The following SLC22A25 variants were observed in gnomAD, a reference collection of about 807,000 sequenced individuals.
The protein encoded by SLC22A25 is MGI:2442751, MGI:2385316, MGI:3042283, MGI:3645714, MGI:3605624, MGI:2442750.
SLC22A25 carries 44 observed loss-of-function variants against 45.9 expected under a neutral mutation model. The ratio of observed to expected loss-of-function variants is 0.96; its 90% CI spans 0.75 to 1.23. The LOEUF is 1.23. Among genes scored for constraint, SLC22A25 ranks in the 50% most tolerant of loss-of-function variants. SLC22A25 has a pLI of 0.00. For missense variants in SLC22A25, 800 were observed against 666.4 expected, an observed-to-expected ratio of 1.20 and a Z score of -2.21; for synonymous variants, 283 against 238.6, an observed-to-expected ratio of 1.19 and a Z score of -1.72.
At chr11:63,196,820 C>A (rs2089052095) in intron 7 of SLC22A25, among the ~76,000 whole-genome samples, 1 of 152,148 alleles carries the variant, frequency 6.6e-6, no homozygotes, top group Non-Finnish European at 1.5e-5. Flanking sequence ...CAAATTGTCC[C>A]TGTTTGCAGA....
chr11:63,236,802 C>T (rs970478666), intron 3 of SLC22A25, among the ~76,000 whole-genome samples: 6 of 152,130 alleles, frequency 3.9e-5, no homozygotes, highest in Non-Finnish European at 7.4e-5. Context: ...TTGGCTCCAC[C>T]CCCTTCTTCT....
intron 7 of SLC22A25, among the ~76,000 whole-genome samples, chr11:63,215,359 A>T (rs1016108342): frequency 6.6e-6 from 1 of 152,106 alleles, no homozygotes; most frequent in Non-Finnish European, 1.5e-5. Flanking sequence ...ACATATTCTC[A>T]CTCATAAGTG....
intron 7 of SLC22A25, among the ~76,000 whole-genome samples, chr11:63,202,045 G>A (rs376737548): frequency 1.3e-5 from 2 of 152,106 alleles, no homozygotes; most frequent in East Asian, 3.9e-4. Flanking sequence ...GCAAGGGGTT[G>A]GGTAACTCAC....
At chr11:63,183,558 T>G in intron 8 of SLC22A25, 136 bp downstream of exon 8, 12 of 1,108,116 alleles carry the variant, frequency 1.1e-5, no homozygotes, top group Non-Finnish European at 1.4e-5. Flanking sequence ...TGACACCCAT[T>G]GAGAATGATC....
Position 63,234,318 on chromosome 11 carries a change from C to T in SLC22A25, c.-445+3563G>A, listed in dbSNP as rs551276620. Among the ~76,000 whole-genome samples the T allele has an allele frequency of 1.7e-3, 264 of 152,288 alleles. 1 individual carries two copies. Among genetic ancestry groups the T allele is most frequent in the African/African-American group, 5.8e-3 (243 of 41,548 alleles). On this transcript the variant is annotated intron_variant, in intron 3 of 11. Transcript: ENST00000306494. ...AGGACTAGCTTTATGAATCTGGGTG[C>T]TCCTGTATTGGGCACATATATATTT... is the stretch of plus-strand genomic sequence containing the variant.
At chr11:63,169,877 CA>C (rs1565063199) in intron 9 of SLC22A25, among the ~76,000 whole-genome samples, 2 of 152,220 alleles carry the variant, frequency 1.3e-5, no homozygotes, top group Non-Finnish European at 2.9e-5. Flanking sequence ...CTCAGCACCA[CA>C]TCGCACTTAT....
intron 5 of SLC22A25, among the ~76,000 whole-genome samples, chr11:63,226,966 A>G (rs1341662443): frequency 6.6e-6 from 1 of 152,138 alleles, no homozygotes; most frequent in Non-Finnish European, 1.5e-5. Context: ...GTGATTATTA[A>G]CTTATGGTCC....
At chr11:63,176,239 T>A (rs1590793828) in intron 9 of SLC22A25, among the ~76,000 whole-genome samples, 1 of 152,086 alleles carries the variant, frequency 6.6e-6, no homozygotes, top group Admixed American at 6.6e-5. Context: ...AGGATTTTTT[T>A]CTATTTCTGT....
At chr11:63,170,634 A>G (rs984396567) in intron 9 of SLC22A25, among the ~76,000 whole-genome samples, 7 of 152,186 alleles carry the variant, frequency 4.6e-5, no homozygotes, top group Non-Finnish European at 8.8e-5. Flanking sequence ...GAATCCCTGA[A>G]TAGACCAATA....
chr11:63,177,835 ATG>A (rs796985320), intron 9 of SLC22A25, among the ~76,000 whole-genome samples: 1 of 61,134 alleles, frequency 1.6e-5, no homozygotes, highest in Non-Finnish European at 3.5e-5. Context: ...TATATATATA[ATG>A]TGTATATATA....
At position 63,195,487 on chromosome 11, in the gene SLC22A25, C is replaced by T. The variant is rs567482939; in HGVS notation, c.831-11670G>A. Among the ~76,000 whole-genome samples, 570 of 152,304 alleles carry T rather than the reference C, an allele frequency of 3.7e-3. 5 individuals are homozygous for T. The highest frequency in any genetic ancestry group is 0.013 in the African/African-American group (537 of 41,570). ...ACTCAACTACATGGAAACTGAACGA[C>T]CTGCTCCTGAATGACTACCGAGTAC... On this transcript the variant is annotated intron_variant, in intron 7 of 11. Coordinates refer to ENST00000306494, the MANE Select transcript of SLC22A25 (RefSeq NM_199352.6).
intron 9 of SLC22A25, among the ~76,000 whole-genome samples, chr11:63,170,895 C>T (rs1436170029): frequency 1.3e-5 from 2 of 152,140 alleles, no homozygotes; most frequent in South Asian, 2.1e-4. Context: ...CCCTGATGAA[C>T]ATCAATGCAA....
intron 7 of SLC22A25, among the ~76,000 whole-genome samples, chr11:63,209,274 G>A (rs1047141853): frequency 1.3e-5 from 2 of 152,036 alleles, no homozygotes; most frequent in Non-Finnish European, 2.9e-5. Flanking sequence ...TAGTGGCTCG[G>A]GCACCCAACC....
intron 7 of SLC22A25, among the ~76,000 whole-genome samples, chr11:63,201,817 A>AAC (rs1554977881): frequency 1.3e-5 from 2 of 152,038 alleles, no homozygotes; most frequent in African/African-American, 2.4e-5. Context: ...TTCAATAAAA[A>AAC]AACCCCATTA....
At chr11:63,242,950 C>T (rs1301156162) in intron 1 of SLC22A25, 1 of 154,692 alleles carries the variant, frequency 6.5e-6, no homozygotes, top group African/African-American at 2.4e-5. Flanking sequence ...CACCTCTCCT[C>T]TGAAAACCCC....
In SLC22A25 at chr11:63,228,580, AC is replaced by A; in HGVS notation, c.403-17del. ...CCAGATCCCACTGGAAGAAAAGGAA[AC>A]CCTCATATCAATGCTTATAGCCCCT... On this transcript the variant is annotated splice_polypyrimidine_tract_variant and intron_variant, in intron 4 of 11. Coordinates refer to ENST00000306494, the MANE Select transcript of SLC22A25 (RefSeq NM_199352.6). The A allele has an allele frequency of 6.3e-7, 1 of 1,586,818 alleles. No individual in the cohort carries two copies. Among genetic ancestry groups the A allele is most frequent in the Non-Finnish European group, 8.6e-7 (1 of 1,156,338 alleles).
At position 63,171,819 on chromosome 11, in the gene SLC22A25, A is replaced by G. The variant is rs894034450; in HGVS notation, c.1071-5561T>C. On this transcript the variant is annotated intron_variant, in intron 9 of 11. Coordinates refer to ENST00000306494, the MANE Select transcript of SLC22A25 (RefSeq NM_199352.6). ...TAGAAAAAACTACTTTAAATTTCACATGGATTTTAAAAAAGCTTGTATAGC... is the reference window on the plus strand; with the variant it reads ...TAGAAAAAACTACTTTAAATTTCACGTGGATTTTAAAAAAGCTTGTATAGC... Among the ~76,000 whole-genome samples, 4 of 152,192 alleles carry G rather than the reference A, an allele frequency of 2.6e-5. No homozygotes were observed. The South Asian group carries it at 8.3e-4, about 31-fold the overall frequency.
At chr11:63,171,606 G>T (rs757454241) in intron 9 of SLC22A25, among the ~76,000 whole-genome samples, 1 of 152,140 alleles carries the variant, frequency 6.6e-6, no homozygotes, top group Non-Finnish European at 1.5e-5. Context: ...TACAAGGGAC[G>T]TGAAGGAGCT....
At position 63,160,775 on chromosome 11, in the gene SLC22A25, C is replaced by T. The variant is rs1463186334; in HGVS notation, c.*3049G>A. On this transcript the variant is annotated 3_prime_UTR_variant, in exon 12 of 12. Transcript: ENST00000306494. ...TGCAAAGCCACAGAAGCAGAGCTGC[C>T]CAAGAGCATGGAAACCCACCTTTTG... Among the ~76,000 whole-genome samples, 1 of 152,074 alleles carries T rather than the reference C, an allele frequency of 6.6e-6. No individual in the cohort carries two copies. Among genetic ancestry groups the T allele is most frequent in the African/African-American group, 2.4e-5 (1 of 41,410 alleles).
Sources: allele counts gnomAD v4.1 joint callset (sites outside exome capture counted in the v4.1 genomes callset), GRCh38; gene constraint gnomAD v4.1.1; transcripts MANE v1.5; gene names NCBI Gene and HGNC (gene_info 2026-07-23, HGNC 2026-07-21).